The following SLIT3 variants were observed in gnomAD, a reference collection of about 807,000 sequenced individuals.
SLIT3 encodes the protein slit homolog 3 protein.
In SLIT3, 68 loss-of-function variants were observed where a neutral mutation model predicts 184.0. That is an observed-to-expected ratio of 0.37 (90% CI 0.30 to 0.45). SLIT3 has a LOEUF of 0.45. SLIT3 is among the 20% of genes least tolerant of loss of function. SLIT3 has a pLI of 1.00. For synonymous variants in SLIT3, 831 were observed against 828.6 expected (o/e 1.00, Z -0.05); for missense variants, 1,707 against 2,026.0 (o/e 0.84, Z 3.02).
intron 4 of SLIT3, among the ~76,000 whole-genome samples, chr5:169,189,545 T>TAAAAATATATATATATATATATATAAAA (rs1404263670): frequency 2.1e-5 from 1 of 47,366 alleles, no homozygotes; most frequent in African/African-American, 7.7e-5. Context: ...TATATATATA[T>TAAAAATATATATATATATATATATAAAA]ATATATATAT....
intron 4 of SLIT3, among the ~76,000 whole-genome samples, chr5:168,892,741 T>C (rs902004341): frequency 6.6e-6 from 1 of 152,218 alleles, no homozygotes; most frequent in African/African-American, 2.4e-5. Flanking sequence ...TTAATTATCA[T>C]ATGCAACTCC....
intron 4 of SLIT3, among the ~76,000 whole-genome samples, chr5:169,137,335 C>CAGAGAGAGAGAGAG (rs1554101372): frequency 2.7e-4 from 38 of 138,642 alleles, no homozygotes; most frequent in Admixed American, 8.6e-4. Context: ...CACACACACA[C>CAGAGAGAGAGAGAG]AGAGAGAGAG....
At chr5:168,823,635 C>A (rs1311204289) in intron 6 of SLIT3, among the ~76,000 whole-genome samples, 1 of 152,210 alleles carries the variant, frequency 6.6e-6, no homozygotes, top group Non-Finnish European at 1.5e-5. Context: ...ATTATAACAT[C>A]TCTAATTCTT....
At chr5:169,172,082 T>C (rs568208156) in intron 4 of SLIT3, among the ~76,000 whole-genome samples, 156 of 152,278 alleles carry the variant, frequency 1.0e-3, no homozygotes, top group African/African-American at 3.6e-3. Flanking sequence ...GGAAATGTTT[T>C]TCAACTTTAG....
In SLIT3 at chr5:168,664,642, C is replaced by A. The variant is rs1364399565; in HGVS notation, c.*1812G>T. 2.6e-5 allele frequency: 4 copies of A among 152,184 alleles called. No homozygotes were observed. Among genetic ancestry groups the A allele is most frequent in the East Asian group, 3.8e-4 (2 of 5,198 alleles). The allele number at this position is 152,184 out of a possible 1,614,324, so 9.4% of individuals were successfully genotyped here. On this transcript the variant is annotated 3_prime_UTR_variant, in exon 36 of 36. Transcript: ENST00000519560. ...AGATCAACTAGGCTCCTCTAGGGAA[C>A]CTGAGGGCTGAAAGGTCCAATGAAT...
At chr5:168,888,806 G>C (rs1760326103) in intron 4 of SLIT3, among the ~76,000 whole-genome samples, 1 of 152,188 alleles carries the variant, frequency 6.6e-6, no homozygotes, top group Non-Finnish European at 1.5e-5. Flanking sequence ...TTTGGGATCA[G>C]GGCAGTGAAT....
chr5:169,129,631 GA>G (rs1355242002), intron 4 of SLIT3, among the ~76,000 whole-genome samples: 1 of 152,082 alleles, frequency 6.6e-6, no homozygotes, highest in Admixed American at 6.5e-5. Context: ...TCAAGGTCAT[GA>G]AAACCAGGAA....
intron 6 of SLIT3, among the ~76,000 whole-genome samples, chr5:168,835,802 C>T (rs1164722429): frequency 2.1e-5 from 3 of 139,616 alleles, no homozygotes; most frequent in Admixed American, 1.4e-4. Context: ...CAGAGCAAGA[C>T]TCCATCTCAA....
chr5:169,078,243 A>G (rs927265593), intron 4 of SLIT3, among the ~76,000 whole-genome samples: 1 of 152,176 alleles, frequency 6.6e-6, no homozygotes, highest in South Asian at 2.1e-4. Flanking sequence ...CCCAAGTCCA[A>G]CGCAAACCAG....
intron 4 of SLIT3, among the ~76,000 whole-genome samples, chr5:168,959,883 C>T (rs1292600622): frequency 1.3e-5 from 2 of 152,130 alleles, no homozygotes; most frequent in East Asian, 3.8e-4. Flanking sequence ...CTGTGAGGTG[C>T]CTGGACACTT....
intron 5 of SLIT3, among the ~76,000 whole-genome samples, chr5:168,865,308 C>T (rs1006901212): frequency 4.6e-5 from 7 of 151,794 alleles, no homozygotes; most frequent in African/African-American, 1.2e-4. Flanking sequence ...CAGCTTTATT[C>T]GTAATAACCC....
In SLIT3 at chr5:168,868,255, G is replaced by C. The variant is rs572319328; in HGVS notation, c.485+15010C>G. 3.4e-4 allele frequency among the ~76,000 whole-genome samples: 51 copies of C among 152,216 alleles called. 1 individual carries two copies. Among genetic ancestry groups the C allele is most frequent in the Middle Eastern group, 6.8e-3 (2 of 294 alleles). On this transcript the variant is annotated intron_variant, in intron 5 of 35. Coordinates refer to ENST00000519560, the MANE Select transcript of SLIT3 (RefSeq NM_003062.4). ...TTATTGAGCACCTACTTTGTGCCAG[G>C]CTCTACTGAATAAGTCCTTTCCATG...
At chr5:169,264,533 C>A (rs545008122) in intron 1 of SLIT3, among the ~76,000 whole-genome samples, 9 of 152,288 alleles carry the variant, frequency 5.9e-5, no homozygotes, top group African/African-American at 1.9e-4. Flanking sequence ...TCACATCAGG[C>A]GGTCCTAATG....
chr5:169,238,069 G>A (rs1454381416), intron 3 of SLIT3, among the ~76,000 whole-genome samples: 2 of 152,074 alleles, frequency 1.3e-5, no homozygotes, highest in Non-Finnish European at 2.9e-5. Flanking sequence ...CCGTTGATGT[G>A]TGTGTCTATT....
chr5:168,948,247 G>A (rs1346126857), intron 4 of SLIT3, among the ~76,000 whole-genome samples: 2 of 152,180 alleles, frequency 1.3e-5, no homozygotes, highest in Admixed American at 1.3e-4. Context: ...CACACAGTGG[G>A]TGCTTGCCCA....
chr5:169,300,659 C>A lies in SLIT3; in HGVS notation c.51G>T (p.Ala17=), dbSNP rs562403293. The stretch of plus-strand genomic sequence containing the variant: ...GGACGCTCGCCAGCGCCAAGGCCAG[C>A]GCCAGGCGGGCGCGCACGGCGGCGC... ...GVGAAVRARL[A]LALALASVLS... Residue 17 remains alanine (A), a synonymous_variant, in exon 1 of 36, where the codon GCG becomes GCT. Transcript: ENST00000519560. The surrounding 1 kb of genome is among the most constrained non-coding windows in gnomAD (Gnocchi z 4.1). 2.1e-6 allele frequency: 3 copies of A among 1,432,882 alleles called. No homozygotes were observed. The East Asian group carries it at 9.1e-5, about 43-fold the overall frequency. 88.8% of individuals were successfully genotyped at this position (1,432,882 alleles called of 1,614,324 possible).
chr5:168,706,627 C>G (rs1762379254), intron 26 of SLIT3: 1 of 152,172 alleles, frequency 6.6e-6, no homozygotes, highest in Non-Finnish European at 1.5e-5. Context: ...AGTCTCTTCT[C>G]TGATTTTTAT....
chr5:169,229,078 T>A (rs1764903579), intron 3 of SLIT3, among the ~76,000 whole-genome samples: 1 of 149,442 alleles, frequency 6.7e-6, no homozygotes, highest in Non-Finnish European at 1.5e-5. Context: ...CACACACAGA[T>A]TGAGAGAGAG....
chr5:168,881,918 A>G (rs1581172749), intron 5 of SLIT3, among the ~76,000 whole-genome samples: 1 of 152,078 alleles, frequency 6.6e-6, no homozygotes, highest in South Asian at 2.1e-4. Flanking sequence ...TTGGGAAAAC[A>G]CCCTCAGAAG....
Sources: gnomAD v4.1 joint callset for allele counts (sites outside exome capture counted in the v4.1 genomes callset) on GRCh38, gnomAD v4.1.1 for gene constraint, Gnocchi (gnomAD v3.1) non-coding constraint, MANE v1.5 for transcripts, NCBI Gene and HGNC (gene_info 2026-07-23, HGNC 2026-07-21) for gene names.